PPRC1: variants seen among roughly 807,000 people sequenced by gnomAD.
The protein encoded by PPRC1 is PPARG related coactivator 1.
PPRC1 carries 23 observed loss-of-function variants against 132.5 expected under a neutral mutation model. That is an observed-to-expected ratio of 0.17 (90% CI 0.12 to 0.25). The LOEUF (loss-of-function observed/expected upper bound fraction) is 0.25, where lower values mean the gene tolerates loss of function less well. Ranked by LOEUF, PPRC1 falls within the 10% of genes least tolerant of loss-of-function variation. The probability of loss-of-function intolerance (pLI) is 1.00; values close to 1 mark genes in which losing one functional copy is unlikely to be tolerated. For missense variants in PPRC1, 2,006 were observed against 2,089.1 expected, an observed-to-expected ratio of 0.96 and a Z score of 0.78; for synonymous variants, 872 against 833.5, an observed-to-expected ratio of 1.05 and a Z score of -0.80.
chr10:102,137,833 C>G lies in PPRC1; in HGVS notation c.154-17C>G. Reference sequence around the variant, plus strand: ...GCCAGAGAGCTCATACCCTTCTCACCTTCTTCTCTGCTCCAGGTGCTGCTG... The same window carrying G: ...GCCAGAGAGCTCATACCCTTCTCACGTTCTTCTCTGCTCCAGGTGCTGCTG... On this transcript the variant is annotated splice_polypyrimidine_tract_variant and intron_variant, in intron 1 of 13. Coordinates refer to ENST00000278070, the MANE Select transcript of PPRC1 (RefSeq NM_015062.5). 6.2e-7 allele frequency: 1 copy of G among 1,611,004 alleles called. No homozygotes were observed. The highest frequency in any genetic ancestry group is 8.5e-7 in the Non-Finnish European group (1 of 1,178,546).
chr10:102,120,045 G>A, the PPRC1 span: 1 of 1,404,768 alleles, frequency 7.1e-7, no homozygotes, highest in Non-Finnish European at 9.5e-7. Context: ...CGCAGGGACG[G>A]CTGGGCAGGA....
chr10:102,131,257 G>A (rs1006819033), upstream of PPRC1, among the ~76,000 whole-genome samples: 2 of 151,796 alleles, frequency 1.3e-5, no homozygotes, highest in Admixed American at 6.6e-5. Flanking sequence ...CAGCTACTCT[G>A]GAGGCTGAGG....
the PPRC1 span, among the ~76,000 whole-genome samples, chr10:102,125,967 A>G: frequency 5.3e-5 from 8 of 151,588 alleles, no homozygotes; most frequent in East Asian, 1.4e-3. Context: ...GGTTCAAGCA[A>G]TTCTCCTGCC....
In PPRC1 at chr10:102,140,965, T is replaced by C; in HGVS notation, c.2457T>C (p.Leu819=). 6.2e-7 allele frequency: 1 copy of C among 1,614,050 alleles called. No homozygotes were observed. ...CTGAAACACCCCTTGAGATTTGCCT[T>C]GTGCCTGTAGGTCCCAGCCCTGCTT... ...RSPETPLEIC[L]VPVGPSPASP... is the part of the protein sequence containing the mutation. The change falls in exon 5 of 14, where the codon CTT becomes CTC. Residue 819 remains leucine, a synonymous_variant. Transcript: ENST00000278070.
intron 9 of PPRC1, among the ~76,000 whole-genome samples, chr10:102,147,688 T>A (rs2069324554): frequency 6.6e-6 from 1 of 152,192 alleles, no homozygotes; most frequent in Admixed American, 6.5e-5. Flanking sequence ...TCACATACTG[T>A]ATCAGCCTTC....
intron 5 of PPRC1, among the ~76,000 whole-genome samples, chr10:102,142,428 T>C (rs2069032698): frequency 8.2e-6 from 1 of 122,058 alleles, no homozygotes; most frequent in Non-Finnish European, 1.7e-5. Context: ...TTTTTTTTTT[T>C]TTTTTTTTGA....
At position 102,143,071 on chromosome 10, in the gene PPRC1, C is replaced by T. The variant is rs1361030960; in HGVS notation, c.3523C>T (p.Leu1175=). 3.1e-6 allele frequency: 5 copies of T among 1,613,788 alleles called. No individual in the cohort carries two copies. The highest frequency in any genetic ancestry group is 3.3e-5 in the Admixed American group (2 of 60,012). Residue 1175 remains leucine (L), a synonymous_variant, in exon 6 of 14, where the codon CTG becomes TTG. Coordinates refer to ENST00000278070, the MANE Select transcript of PPRC1 (RefSeq NM_015062.5). ...IGIEASDLSS[L]LEQFEKSEAK... is the part of the protein sequence containing the mutation. ...AATTGAGGCATCGGACCTGTCCAGT[C>T]TGCTGGAGCAGTTTGAGAAATCAGA...
the PPRC1 span, among the ~76,000 whole-genome samples, chr10:102,120,755 C>T: frequency 6.6e-6 from 1 of 152,160 alleles, no homozygotes; most frequent in African/African-American, 2.4e-5. Flanking sequence ...CGGTGTCCGT[C>T]CTCCGGGTGC....
intron 8 of PPRC1, among the ~76,000 whole-genome samples, chr10:102,145,592 C>T (rs1385769751): frequency 1.1e-4 from 16 of 146,232 alleles, no homozygotes; most frequent in Admixed American, 9.6e-4. Flanking sequence ...ATGTCGGGCG[C>T]GGTGGCCCAC....
rs1203204985 is a variant in PPRC1 at position 102,139,646 on chromosome 10, T to C, written c.1138T>C (p.Ser380Pro). The change falls in exon 5 of 14, where the codon TCG becomes CCG. Residue 380 changes from serine (S) to proline (P), a missense_variant. Coordinates refer to ENST00000278070, the MANE Select transcript of PPRC1 (RefSeq NM_015062.5). ...ACCCCGGCCTGTGCTCCTGGATGAC[T>C]CGCTAGAGACTAGTTCTGCCTTGCA... ...PGPRPVLLDD[S>P]LETSSALQLL... The C allele has an allele frequency of 6.2e-7, 1 of 1,613,922 alleles. No individual in the cohort carries two copies. Among genetic ancestry groups the C allele is most frequent in the Non-Finnish European group, 8.5e-7 (1 of 1,180,040 alleles).
At position 102,148,831 on chromosome 10, in the gene PPRC1, G is replaced by A. The variant is rs1414129677; in HGVS notation, c.4632G>A (p.Val1544=). The A allele has an allele frequency of 6.2e-7, 1 of 1,614,142 alleles. No individual in the cohort carries two copies. The highest frequency in any genetic ancestry group is 1.1e-5 in the South Asian group (1 of 91,078). The change falls in exon 12 of 14, where the codon GTG becomes GTA. Residue 1544 remains valine, a synonymous_variant. Coordinates refer to ENST00000278070, the MANE Select transcript of PPRC1 (RefSeq NM_015062.5). This position sits in a 1 kb window ranked among gnomAD's most constrained non-coding sequence, Gnocchi z 4.2. The part of the protein sequence containing the change: ...QKERAIEERR[V]VFIGKIPGRM... ...TCCAAACATAGGAAGAAAGAAGGGT[G>A]GTCTTCATTGGAAAGATACCTGGCC...
Position 102,149,322 on chromosome 10 carries a change from T to G in PPRC1, c.4884T>G (p.Ser1628=), listed in dbSNP as rs2069410997. ...GGCAGTTCTGCAAGAGGAGCTATTC[T>G]GATCTTGGTGAGTGGAGGGAGGGCC... ...GRRQFCKRSY[S]DLDSNREDFD... is the part of the protein sequence containing the mutation. The change falls in exon 13 of 14, where the codon TCT becomes TCG. Residue 1628 remains serine (S), a synonymous_variant. Transcript: ENST00000278070. 1.9e-6 allele frequency: 3 copies of G among 1,584,920 alleles called. No homozygotes were observed. Among genetic ancestry groups the G allele is most frequent in the Non-Finnish European group, 2.6e-6 (3 of 1,163,910 alleles).
At chr10:102,145,394 C>A (rs988589239) in intron 8 of PPRC1, among the ~76,000 whole-genome samples, 5 of 151,858 alleles carry the variant, frequency 3.3e-5, no homozygotes, top group Admixed American at 3.3e-4. Flanking sequence ...ATGGTGAAAC[C>A]CTATCTCTAC....
rs2069446071 is a variant in PPRC1, at chr10:102,150,115, T to G, written c.*86T>G. On this transcript the variant is annotated 3_prime_UTR_variant, in exon 14 of 14. Coordinates refer to ENST00000278070, the MANE Select transcript of PPRC1 (RefSeq NM_015062.5). Reference sequence around the variant, plus strand: ...CTTCCCCTACTCTAGGGGAGAGAGCTGCTAGTGAGATGACTGTTTTATAAA... The same window carrying G: ...CTTCCCCTACTCTAGGGGAGAGAGCGGCTAGTGAGATGACTGTTTTATAAA... The G allele has an allele frequency of 2.3e-6, 2 of 887,668 alleles. No individual in the cohort carries two copies. Among genetic ancestry groups the G allele is most frequent in the Non-Finnish European group, 3.6e-6 (2 of 555,682 alleles). The allele number at this position is 887,668 out of a possible 1,614,324, so 55.0% of individuals were successfully genotyped here.
the PPRC1 span, among the ~76,000 whole-genome samples, chr10:102,127,446 A>G: frequency 6.6e-6 from 1 of 152,168 alleles, no homozygotes; most frequent in African/African-American, 2.4e-5. Flanking sequence ...CAGTGGCGCA[A>G]TCTCAGCTGG....
intron 7 of PPRC1, 103 bp from the exon 8 acceptor site, chr10:102,144,917 T>A (rs951112973): frequency 2.3e-5 from 22 of 957,608 alleles, no homozygotes; most frequent in Non-Finnish European, 3.2e-5. Context: ...GTGCATCCCA[T>A]TCTTCTCTGC....
At position 102,147,095 on chromosome 10, in the gene PPRC1, C is replaced by T; in HGVS notation, c.4103C>T (p.Pro1368Leu). ...AGTGAGCAGGCAGATCCCTCAGCAC[C>T]CTGCCTTGCCCCATCCAGCTTGCTG... ...TSSEQADPSA[P>L]CLAPSSLLSP... The change falls in exon 9 of 14, where the codon CCC (proline) becomes CTC (leucine). Residue 1368 changes from proline (P) to leucine (L), a missense_variant. This residue lies in a region of PPRC1 where 1,914 missense variants were observed against 1,917.2 expected (regional missense o/e 1.00). Transcript: ENST00000278070. 6.2e-7 allele frequency: 1 copy of T among 1,614,182 alleles called. No individual in the cohort carries two copies. Among genetic ancestry groups the T allele is most frequent in the Non-Finnish European group, 8.5e-7 (1 of 1,180,036 alleles).
chr10:102,123,642 C>T, the PPRC1 span, among the ~76,000 whole-genome samples: 6 of 152,008 alleles, frequency 3.9e-5, no homozygotes, highest in African/African-American at 9.7e-5. Context: ...ATTCTCCCTA[C>T]GCCTCAGCCT....
In PPRC1 at chr10:102,147,366, C is replaced by G; in HGVS notation, c.4374C>G (p.Leu1458=). Residue 1458 remains leucine (L), a synonymous_variant, in exon 9 of 14, where the codon CTC becomes CTG. Transcript: ENST00000278070. ...CATCCCGATCTCGGTCCAGGTCCCT[C>G]TCCCCCCCACACAAGAGGTGGCGAA... ...SSSSRSRSRS[L]SPPHKRWRRS... is the part of the protein sequence containing the mutation. The G allele has an allele frequency of 6.2e-7, 1 of 1,607,118 alleles. No homozygotes were observed. Among genetic ancestry groups the G allele is most frequent in the Non-Finnish European group, 8.5e-7 (1 of 1,178,596 alleles).
Sources: allele counts gnomAD v4.1 joint callset (sites outside exome capture counted in the v4.1 genomes callset), GRCh38; gene constraint gnomAD v4.1.1; regional missense constraint gnomAD v4.1.1; non-coding constraint Gnocchi (gnomAD v3.1); transcripts MANE v1.5; gene names NCBI Gene and HGNC (gene_info 2026-07-23, HGNC 2026-07-21).